Variants in NAXD observed in about 807,000 individuals in gnomAD.
NAXD encodes the protein ATP-dependent (S)-NAD(P)H-hydrate dehydratase.
In NAXD, 22 loss-of-function variants were observed where a neutral mutation model predicts 35.8. The ratio of observed to expected loss-of-function variants is 0.62; its 90% CI spans 0.44 to 0.88. The LOEUF (loss-of-function observed/expected upper bound fraction) is 0.88, where lower values mean the gene tolerates loss of function less well. Ranked by LOEUF, NAXD falls within the 40% of genes least tolerant of loss-of-function variation. The pLI, the probability that NAXD is intolerant of heterozygous loss-of-function variation, is 0.00. For synonymous variants in NAXD, 189 were observed against 177.6 expected (o/e 1.06, Z -0.51); for missense variants, 428 against 437.7 (o/e 0.98, Z 0.20).
rs144730328 is a variant in NAXD at position 110,618,172 on chromosome 13, A to G, written c.46+2525A>G. 2.0e-3 allele frequency among the ~76,000 whole-genome samples: 306 copies of G among 152,348 alleles called. 3 individuals are homozygous for G. Among genetic ancestry groups the G allele is most frequent in the African/African-American group, 7.2e-3 (298 of 41,584 alleles). On this transcript the variant is annotated intron_variant, in intron 1 of 9. Transcript: ENST00000680254. ...AAAATTATGTAGCAAAAAAGTTACT[A>G]TTAATTATATTATGAGTTTAACATA... is the stretch of plus-strand genomic sequence containing the variant.
At position 110,634,753 on chromosome 13, in the gene NAXD, T is replaced by C; in HGVS notation, c.574T>C (p.Phe192Leu). Residue 192 changes from phenylalanine (F) to leucine (L), a missense_variant, in exon 7 of 10, where the codon TTC becomes CTC. Phe to Leu is a conservative substitution (Grantham distance 22). Transcript: ENST00000680254. ...KAVLTPNHVE[F>L]SRLYDAVLRG... ...TGTGCTCACTCCCAACCACGTGGAG[T>C]TCAGCAGACTGTATGACGCTGTGGT... 1 of 1,613,714 alleles carries C rather than the reference T, an allele frequency of 6.2e-7. No individual in the cohort carries two copies. The highest frequency in any genetic ancestry group is 8.5e-7 in the Non-Finnish European group (1 of 1,179,868).
At chr13:110,633,402 C>A (rs559018540) in intron 5 of NAXD, among the ~76,000 whole-genome samples, 1 of 152,214 alleles carries the variant, frequency 6.6e-6, no homozygotes, top group South Asian at 2.1e-4. Context: ...AGTTCCCGCT[C>A]GCGCCTCTCC....
At chr13:110,627,295 A>C (rs540587798) in intron 4 of NAXD, 144 bp from the exon 5 acceptor site, 1 of 646,406 alleles carries the variant, frequency 1.5e-6, no homozygotes, top group Non-Finnish European at 2.6e-6. Context: ...GTACTGATTA[A>C]ATAATAAATC....
At chr13:110,625,090 G>A (rs1275354270) in intron 3 of NAXD, 100 bp from the exon 4 acceptor site, 22 of 852,996 alleles carry the variant, frequency 2.6e-5, no homozygotes, top group East Asian at 1.2e-4. Flanking sequence ...TCTCATGCAC[G>A]TCACCAGGGC....
chr13:110,638,569 G>GA lies in NAXD; in HGVS notation c.*42dup, dbSNP rs745733124. On this transcript the variant is annotated 3_prime_UTR_variant, in exon 10 of 10. Coordinates refer to ENST00000680254, the MANE Select transcript of NAXD (RefSeq NM_001242882.2). This position sits in a 1 kb window ranked among gnomAD's most constrained non-coding sequence, Gnocchi z 5.4. ...AAGTAAACAGGCACCTTGGACGGGG[G>GA]AGAGCGTGTGTGTGATGGGAAAATC... 4 of 1,608,318 alleles carry GA rather than the reference G, an allele frequency of 2.5e-6. No homozygotes were observed. Among genetic ancestry groups the GA allele is most frequent in the Non-Finnish European group, 3.4e-6 (4 of 1,177,390 alleles).
chr13:110,637,972 C>T (rs917043622), intron 9 of NAXD, among the ~76,000 whole-genome samples: 2 of 151,812 alleles, frequency 1.3e-5, no homozygotes, highest in Non-Finnish European at 2.9e-5. Flanking sequence ...ACTCGAGTTG[C>T]CTCCACCCCT....
intron 2 of NAXD, among the ~76,000 whole-genome samples, chr13:110,622,968 T>G (rs1251021203): frequency 6.6e-6 from 1 of 152,106 alleles, no homozygotes; most frequent in Non-Finnish European, 1.5e-5. Context: ...TAGGGTGTGT[T>G]AGAGTTGTTA....
At chr13:110,627,313 C>T (rs1886521202) in intron 4 of NAXD, 126 bp from the exon 5 acceptor site, 2 of 669,576 alleles carry the variant, frequency 3.0e-6, no homozygotes, top group Non-Finnish European at 5.1e-6. Flanking sequence ...ATCTAAATTA[C>T]AGAAATTATT....
chr13:110,617,772 C>T (rs1190666132), intron 1 of NAXD, among the ~76,000 whole-genome samples: 1 of 152,230 alleles, frequency 6.6e-6, no homozygotes, highest in South Asian at 2.1e-4. Flanking sequence ...TTGTCCATTA[C>T]TAACCACAGC....
At chr13:110,622,701 T>G (rs988183611) in intron 2 of NAXD, among the ~76,000 whole-genome samples, 1 of 152,218 alleles carries the variant, frequency 6.6e-6, no homozygotes, top group African/African-American at 2.4e-5. Context: ...CTCAGCAACC[T>G]CTTGGTTTAC....
chr13:110,633,490 T>G (rs11620520), intron 5 of NAXD, among the ~76,000 whole-genome samples: 88 of 152,168 alleles, frequency 5.8e-4, no homozygotes, highest in Non-Finnish European at 1.0e-3. Flanking sequence ...AGTGCAGTGG[T>G]GGGCTGAAGG....
In NAXD at chr13:110,615,565, C is replaced by A; in HGVS notation, c.-37C>A. The A allele has an allele frequency of 2.2e-6, 3 of 1,334,974 alleles. No individual in the cohort carries two copies. Among genetic ancestry groups the A allele is most frequent in the South Asian group, 1.8e-5 (1 of 54,734 alleles). The allele number at this position is 1,334,974 out of a possible 1,614,324, so 82.7% of individuals were successfully genotyped here. On this transcript the variant is annotated 5_prime_UTR_variant, in exon 1 of 10. Coordinates refer to ENST00000680254, the MANE Select transcript of NAXD (RefSeq NM_001242882.2). ...CTTCCAATGGCTGTGTTTCCGGCGA[C>A]GGCGCGGGGGCAGCTGGGAATCCGG...
intron 9 of NAXD, chr13:110,637,899 G>T (rs777304822): frequency 2.0e-6 from 1 of 493,850 alleles, no homozygotes; most frequent in Admixed American, 2.3e-5. Flanking sequence ...GTGTCCACAT[G>T]AATTTGAGAG....
intron 5 of NAXD, among the ~76,000 whole-genome samples, chr13:110,633,176 C>T (rs1373973496): frequency 3.9e-5 from 6 of 152,166 alleles, no homozygotes; most frequent in Non-Finnish European, 5.9e-5. Flanking sequence ...CCCTGCCCGG[C>T]GGGAAGGCAG....
rs754339527 is a variant in NAXD at position 110,622,327 on chromosome 13, G to A, written c.158G>A (p.Gly53Glu). 2 of 1,614,156 alleles carry A rather than the reference G, an allele frequency of 1.2e-6. No homozygotes were observed. Among genetic ancestry groups the A allele is most frequent in the Admixed American group, 1.7e-5 (1 of 60,016 alleles). Reference sequence around the variant, plus strand: ...CCTCTGTCTTCCACAAAGCACAAAGGGCAAGATGGAAGAATAGGCGTAGTT... The same window carrying A: ...CCTCTGTCTTCCACAAAGCACAAAGAGCAAGATGGAAGAATAGGCGTAGTT... ...IPPLSSTKHK[G>E]QDGRIGVVGG... Residue 53 changes from glycine to glutamate, a missense_variant, in exon 2 of 10, where the codon GGG (glycine) becomes GAG (glutamate). By Grantham distance (98) the Gly-to-Glu change is moderately conservative. This residue lies in a region of NAXD where 208 missense variants were observed against 193.0 expected (regional missense o/e 1.08). Transcript: ENST00000680254.
At chr13:110,629,737 CTT>C (rs921190801) in intron 5 of NAXD, among the ~76,000 whole-genome samples, 1 of 152,180 alleles carries the variant, frequency 6.6e-6, no homozygotes, top group African/African-American at 2.4e-5. Flanking sequence ...TTGGTTTCCA[CTT>C]TTTGTGTGGA....
rs892807107 is a variant in NAXD, at chr13:110,638,879, T to C, written c.*351T>C. The C allele has an allele frequency of 1.2e-5, 5 of 403,256 alleles. No individual in the cohort carries two copies. The highest frequency in any genetic ancestry group is 1.0e-4 in the Admixed American group (3 of 29,460). 25.0% of individuals were successfully genotyped at this position (403,256 alleles called of 1,614,324 possible). A position where few individuals can be genotyped will look rare whatever the true frequency, so the allele number is the denominator to read the frequency against. On this transcript the variant is annotated 3_prime_UTR_variant, in exon 10 of 10. Transcript: ENST00000680254. This position sits in a 1 kb window ranked among gnomAD's most constrained non-coding sequence, Gnocchi z 5.4. ...CCTGCTCCCAGATCGGCGAAGTTTC[T>C]ACTTGTTACTCTCTCTGCCGGCGCC...
intron 4 of NAXD, among the ~76,000 whole-genome samples, chr13:110,626,028 G>C (rs1418745092): frequency 6.6e-6 from 1 of 152,156 alleles, no homozygotes; most frequent in Non-Finnish European, 1.5e-5. Flanking sequence ...CCAGAGAGGA[G>C]CCGGCGCGGA....
chr13:110,622,012 A>G (rs1886285124), intron 1 of NAXD, among the ~76,000 whole-genome samples: 1 of 151,958 alleles, frequency 6.6e-6, no homozygotes, highest in South Asian at 2.1e-4. Context: ...CCTGGGTGAC[A>G]GAGTCAGAGT....
Sources: allele counts gnomAD v4.1 joint callset (sites outside exome capture counted in the v4.1 genomes callset), GRCh38; gene constraint gnomAD v4.1.1; regional missense constraint gnomAD v4.1.1; non-coding constraint Gnocchi (gnomAD v3.1); transcripts MANE v1.5; gene names NCBI Gene and HGNC (gene_info 2026-07-23, HGNC 2026-07-21).